Variants in GRIA2 observed in about 807,000 individuals in gnomAD.
GRIA2 encodes glutamate receptor 2.
A neutral mutation model predicts 97.3 loss-of-function variants in GRIA2; 14 were observed. The ratio of observed to expected loss-of-function variants is 0.14; its 90% confidence interval spans 0.10 to 0.23. The LOEUF (loss-of-function observed/expected upper bound fraction) is 0.23, where lower values mean the gene tolerates loss of function less well. Ranked by LOEUF, GRIA2 falls within the 10% of genes least tolerant of loss-of-function variation. The pLI is 1.00. For synonymous variants in GRIA2, 412 were observed against 387.8 expected (o/e 1.06, Z -0.73); for missense variants, 558 against 1,069.8 (o/e 0.52, Z 6.67).
At chr4:157,316,295 C>A (rs1296281449) in intron 4 of GRIA2, among the ~76,000 whole-genome samples, 1 of 152,126 alleles carries the variant, frequency 6.6e-6, no homozygotes, top group African/African-American at 2.4e-5. Flanking sequence ...GGTTCAGTTT[C>A]TTGGAAAAGG....
chr4:157,363,172 A>T (rs1219812958), intron 15 of GRIA2, 125 bp downstream of exon 15: 2 of 1,071,778 alleles, frequency 1.9e-6, no homozygotes. Context: ...ACGTTCTTCC[A>T]TGTTCCCAGT....
chr4:157,280,870 G>A (rs932154474), intron 2 of GRIA2, among the ~76,000 whole-genome samples: 1 of 151,968 alleles, frequency 6.6e-6, no homozygotes, highest in African/African-American at 2.4e-5. Flanking sequence ...TTTAGTAACA[G>A]TCTATTGTGG....
At position 157,329,951 on chromosome 4, in the gene GRIA2, T is replaced by C. The variant is rs565022097; in HGVS notation, c.883-2868T>C. 3.3e-5 allele frequency among the ~76,000 whole-genome samples: 5 copies of C among 151,980 alleles called. No homozygotes were observed. In the East Asian group the frequency reaches 9.7e-4, roughly 30 times the overall value. ...ATTCAAATCCACTTTTGCCACACAT[T>C]TTTTGTGAAGCTGGGTAAAATGAAA... is the stretch of plus-strand genomic sequence containing the variant. On this transcript the variant is annotated intron_variant, in intron 6 of 15. Coordinates refer to ENST00000264426, the MANE Select transcript of GRIA2 (RefSeq NM_001083619.3).
chr4:157,347,123 A>T (rs1735797324), intron 12 of GRIA2, among the ~76,000 whole-genome samples: 1 of 152,194 alleles, frequency 6.6e-6, no homozygotes, highest in Non-Finnish European at 1.5e-5. Context: ...AGTAGTTCTT[A>T]AATTTCATAG....
chr4:157,317,586 G>T (rs1734379742), intron 4 of GRIA2, 72 bp from the exon 5 acceptor site: 2 of 624,228 alleles, frequency 3.2e-6, no homozygotes, highest in Non-Finnish European at 5.7e-6. Context: ...CCCTGAATCA[G>T]ATCATAATAC....
intron 2 of GRIA2, among the ~76,000 whole-genome samples, chr4:157,254,006 G>A (rs142898533): frequency 8.1e-4 from 122 of 151,542 alleles, no homozygotes; most frequent in African/African-American, 2.8e-3. Flanking sequence ...AAAAGTACAC[G>A]CACACACACA....
chr4:157,277,838 ATATATATGTATATATG>A (rs1217946188), intron 2 of GRIA2, among the ~76,000 whole-genome samples: 5 of 142,414 alleles, frequency 3.5e-5, no homozygotes, highest in East Asian at 2.0e-4. Context: ...ATATATGTAT[ATATATATGTATATATG>A]TATATATATG....
intron 2 of GRIA2, among the ~76,000 whole-genome samples, chr4:157,298,245 A>G (rs555247700): frequency 1.3e-5 from 2 of 152,248 alleles, no homozygotes; most frequent in East Asian, 3.9e-4. Flanking sequence ...AACTTCATAT[A>G]AGTGGGGAAC....
In GRIA2 at chr4:157,243,463, G is replaced by A. The variant is rs192122532; in HGVS notation, c.229+21656G>A. The stretch of plus-strand genomic sequence containing the variant: ...GAAGAAATTGAGGGGAAATGAACAC[G>A]CTTATTCTCCCCAATTCAAATTCAT... On this transcript the variant is annotated intron_variant, in intron 2 of 15. Coordinates refer to ENST00000264426, the MANE Select transcript of GRIA2 (RefSeq NM_001083619.3). Among the ~76,000 whole-genome samples the A allele has an allele frequency of 3.6e-3, 549 of 152,162 alleles. 18 individuals are homozygous for A. Among genetic ancestry groups the A allele is most frequent in the Admixed American group, 0.035 (538 of 15,256 alleles).
rs535502133 is a variant in GRIA2, at chr4:157,349,896, G to A, written c.2043+8434G>A. Among the ~76,000 whole-genome samples, 12 of 152,154 alleles carry A rather than the reference G, an allele frequency of 7.9e-5. No individual in the cohort carries two copies. The South Asian group carries it at 2.1e-3, about 26-fold the overall frequency. On this transcript the variant is annotated intron_variant, in intron 12 of 15. Transcript: ENST00000264426. ...CACATTGCAGATAAGTTCCTTCTCT[G>A]TGGTAATCTCTAATGTCCGTATCAT...
chr4:157,337,779 G>C (rs1041276180), intron 11 of GRIA2, among the ~76,000 whole-genome samples: 1 of 151,364 alleles, frequency 6.6e-6, no homozygotes, highest in African/African-American at 2.4e-5. Flanking sequence ...ATTTCACTGA[G>C]TAAGATAAAG....
intron 5 of GRIA2, 126 bp from the exon 6 acceptor site, chr4:157,321,312 A>T (rs1183171791): frequency 1.2e-5 from 8 of 665,386 alleles, no homozygotes; most frequent in Admixed American, 5.3e-5. Flanking sequence ...CATTTTCTGC[A>T]GGCTTATTAT....
Position 157,355,119 on chromosome 4 carries a change from A to G in GRIA2, c.2044-4777A>G, listed in dbSNP as rs571632221. Among the ~76,000 whole-genome samples, 9 of 152,326 alleles carry G rather than the reference A, an allele frequency of 5.9e-5. 1 individual carries two copies. Among genetic ancestry groups the G allele is most frequent in the African/African-American group, 1.7e-4 (7 of 41,570 alleles). On this transcript the variant is annotated intron_variant, in intron 12 of 15. Transcript: ENST00000264426. Reference sequence around the variant, plus strand: ...TTATCATTTTTCTCCAGCTCATATTAAAACAGGGAACCAACCAGCCTGCTT... The same window carrying G: ...TTATCATTTTTCTCCAGCTCATATTGAAACAGGGAACCAACCAGCCTGCTT...
chr4:157,333,097 T>C, intron 7 of GRIA2, 111 bp downstream of exon 7: 2 of 996,346 alleles, frequency 2.0e-6, no homozygotes, highest in Non-Finnish European at 1.5e-6. Context: ...ACAGGCAATG[T>C]TCTTTTCTAA....
intron 2 of GRIA2, among the ~76,000 whole-genome samples, chr4:157,288,074 C>A (rs1428866720): frequency 2.0e-5 from 3 of 151,446 alleles, no homozygotes. Context: ...TTTTAGGACC[C>A]CTGTTTGGAA....
intron 2 of GRIA2, among the ~76,000 whole-genome samples, chr4:157,296,674 A>G (rs117091049): frequency 6.6e-6 from 1 of 152,140 alleles, no homozygotes; most frequent in African/African-American, 2.4e-5. Context: ...CCAGGGAAAC[A>G]TAGAGCTGGG....
chr4:157,262,564 G>A (rs185211871), intron 2 of GRIA2, among the ~76,000 whole-genome samples: 2 of 152,092 alleles, frequency 1.3e-5, no homozygotes, highest in African/African-American at 4.8e-5. Context: ...TGCCCATATG[G>A]CTTCTGAGCT....
intron 13 of GRIA2, 40 bp downstream of exon 13, chr4:157,360,183 A>G: frequency 6.3e-7 from 1 of 1,595,600 alleles, no homozygotes; most frequent in Non-Finnish European, 8.6e-7. Context: ...ATGTTGTTAT[A>G]GTATCCCACC....
At chr4:157,273,305 G>T (rs562739696) in intron 2 of GRIA2, among the ~76,000 whole-genome samples, 6 of 152,050 alleles carry the variant, frequency 3.9e-5, no homozygotes, top group African/African-American at 1.4e-4. Context: ...TATTTACGGT[G>T]GTTCCTTTTA....
Sources: gnomAD v4.1 joint callset for allele counts (sites outside exome capture counted in the v4.1 genomes callset) on GRCh38, gnomAD v4.1.1 for gene constraint, MANE v1.5 for transcripts, NCBI Gene and HGNC (gene_info 2026-07-23, HGNC 2026-07-21) for gene names.